FGFR2: variants seen among roughly 807,000 people sequenced by gnomAD.
FGFR2 encodes the protein BEK fibroblast growth factor receptor.
Under a neutral mutation model 95.9 loss-of-function variants are expected in FGFR2, and 19 were observed. That is an observed-to-expected ratio of 0.20 (90% CI 0.14 to 0.29). The LOEUF (loss-of-function observed/expected upper bound fraction) is 0.29. Among genes scored for constraint, FGFR2 ranks in the 10% least tolerant of loss-of-function variants. The probability of loss-of-function intolerance (pLI) is 1.00; values close to 1 mark genes in which losing one functional copy is unlikely to be tolerated. For synonymous variants in FGFR2, 392 were observed against 393.3 expected (o/e 1.00, Z 0.04); for missense variants, 707 against 1,056.9 (o/e 0.67, Z 4.59).
intron 13 of FGFR2, among the ~76,000 whole-genome samples, chr10:121,492,409 C>T (rs1024968041): frequency 4.6e-5 from 7 of 151,818 alleles, no homozygotes; most frequent in East Asian, 1.9e-4. Context: ...CACACACTCA[C>T]GCACACACAC....
intron 11 of FGFR2, among the ~76,000 whole-genome samples, chr10:121,499,497 C>T (rs1480773264): frequency 1.3e-5 from 2 of 152,234 alleles, no homozygotes; most frequent in Non-Finnish European, 1.5e-5. Flanking sequence ...GAGGGAGACA[C>T]AGCCGTGGGC....
intron 13 of FGFR2, among the ~76,000 whole-genome samples, chr10:121,489,252 T>G (rs1020969898): frequency 1.3e-5 from 2 of 152,116 alleles, no homozygotes; most frequent in Non-Finnish European, 2.9e-5. Flanking sequence ...TTTTGTATTT[T>G]TAGTAGAGAC....
intron 2 of FGFR2, among the ~76,000 whole-genome samples, chr10:121,592,615 T>G (rs560754571): frequency 6.6e-6 from 1 of 152,108 alleles, no homozygotes; most frequent in East Asian, 1.9e-4. Context: ...CAACCCTCCT[T>G]CCTAAACTGT....
intron 2 of FGFR2, among the ~76,000 whole-genome samples, chr10:121,566,209 A>T (rs1020685571): frequency 6.6e-6 from 1 of 152,172 alleles, no homozygotes; most frequent in African/African-American, 2.4e-5. Flanking sequence ...CTCAAGGAAA[A>T]CTAAGGGATC....
chr10:121,597,662 C>T (rs931605783), intron 1 of FGFR2, among the ~76,000 whole-genome samples: 2 of 152,262 alleles, frequency 1.3e-5, no homozygotes, highest in Admixed American at 1.3e-4. Context: ...GAGAAACGCG[C>T]CCAGTCAGCG....
intron 6 of FGFR2, among the ~76,000 whole-genome samples, chr10:121,529,110 T>C (rs1308978321): frequency 6.8e-6 from 1 of 147,254 alleles, no homozygotes; most frequent in Non-Finnish European, 1.5e-5. Flanking sequence ...ATATTTTAAT[T>C]TTTTTTGTTT....
At chr10:121,551,791 T>C (rs1855452306) in intron 4 of FGFR2, among the ~76,000 whole-genome samples, 1 of 152,118 alleles carries the variant, frequency 6.6e-6, no homozygotes, top group Non-Finnish European at 1.5e-5. Flanking sequence ...GAACAACATA[T>C]ACAACTGCGA....
chr10:121,597,832 G>A (rs1022106368), intron 1 of FGFR2, 130 bp downstream of exon 1: 2 of 361,020 alleles, frequency 5.5e-6, no homozygotes, highest in East Asian at 7.9e-5. Flanking sequence ...GGAGGACACG[G>A]AGCGTCCTCC....
intron 11 of FGFR2, 137 bp downstream of exon 11, chr10:121,500,689 C>G: frequency 1.6e-6 from 2 of 1,235,666 alleles, no homozygotes; most frequent in Non-Finnish European, 2.3e-6. Flanking sequence ...TGATTTATAC[C>G]GAAAACTTCT....
intron 6 of FGFR2, among the ~76,000 whole-genome samples, chr10:121,522,088 A>G (rs1351907112): frequency 6.6e-6 from 1 of 152,232 alleles, no homozygotes; most frequent in East Asian, 1.9e-4. Flanking sequence ...AATTCATCGC[A>G]TTCATAAAAT....
rs2912787 is a variant in FGFR2, at chr10:121,566,024, T to C, written c.110-320A>G. 82,911 of 445,336 alleles carry C rather than the reference T, an allele frequency of 0.19. 9,723 individuals carry two copies. The highest frequency in any genetic ancestry group is 0.41 in the African/African-American group (20,842 of 50,500). The allele number at this position is 445,336 out of a possible 1,614,324, so 27.6% of individuals were successfully genotyped here. A position where few individuals can be genotyped will look rare whatever the true frequency, so the allele number is the denominator to read the frequency against. On this transcript the variant is annotated intron_variant, in intron 2 of 17. Transcript: ENST00000358487. ...ATTGATTGCCAAAGCGTGCTTGCAC[T>C]GTAATACCTGCAAAAATCTGTTATT...
intron 1 of FGFR2, among the ~76,000 whole-genome samples, chr10:121,595,209 C>T (rs1046607289): frequency 6.6e-6 from 1 of 152,180 alleles, no homozygotes; most frequent in African/African-American, 2.4e-5. Context: ...TGTACCCACT[C>T]GATGTTTCAA....
Position 121,485,532 on chromosome 10 carries a change from G to C in FGFR2, c.2058C>G (p.Val686=), listed in dbSNP as rs2133801206. The C allele has an allele frequency of 6.2e-7, 1 of 1,614,104 alleles. No individual in the cohort carries two copies. The highest frequency in any genetic ancestry group is 8.5e-7 in the Non-Finnish European group (1 of 1,179,998). ...CCCACATTAACACCCCGAAGGACCA[G>C]CTGCAACAAAAGGAGAAAGCACGGC... ...FDRVYTHQSD[V]WSFGVLMWEI... is the part of the protein sequence containing the mutation. The change falls in exon 16 of 18, where the codon GTC becomes GTG. Residue 686 remains valine (V), a splice_region_variant and synonymous_variant. Transcript: ENST00000358487. The surrounding 1 kb of genome is among the most constrained non-coding windows in gnomAD (Gnocchi z 4.2).
At chr10:121,493,404 G>A (rs1846383775) in intron 13 of FGFR2, among the ~76,000 whole-genome samples, 2 of 152,058 alleles carry the variant, frequency 1.3e-5, no homozygotes, top group African/African-American at 4.8e-5. Flanking sequence ...GGCTAGGGTG[G>A]GCAGGGGTAC....
intron 1 of FGFR2, chr10:121,594,261 T>A (rs190832024): frequency 5.8e-5 from 20 of 342,650 alleles, no homozygotes. Flanking sequence ...GTGTGCTCTC[T>A]TCTACTATCC....
chr10:121,536,531 A>C (rs1476371063), intron 6 of FGFR2, among the ~76,000 whole-genome samples: 1 of 152,168 alleles, frequency 6.6e-6, no homozygotes, highest in East Asian at 1.9e-4. Flanking sequence ...CGCTCTTTTC[A>C]ACAAGACTGA....
rs1201686214 is a variant in FGFR2, at chr10:121,478,567, T to A, written c.*1290A>T. On this transcript the variant is annotated 3_prime_UTR_variant, in exon 18 of 18. Transcript: ENST00000358487. The stretch of plus-strand genomic sequence containing the variant: ...GAAGGAACAACGGCGATATTTTGTC[T>A]GATGTAGGTATGAGGCTGGATCTTT... 4.3e-6 allele frequency: 1 copy of A among 233,214 alleles called. No individual in the cohort carries two copies. Among genetic ancestry groups the A allele is most frequent in the Non-Finnish European group, 8.5e-6 (1 of 118,016 alleles). The allele number at this position is 233,214 out of a possible 1,614,324, so 14.4% of individuals were successfully genotyped here.
intron 5 of FGFR2, among the ~76,000 whole-genome samples, chr10:121,544,396 G>T (rs942791299): frequency 1.3e-5 from 2 of 149,598 alleles, no homozygotes; most frequent in African/African-American, 5.0e-5. Context: ...GTGAGCCAAG[G>T]TTGCACCACT....
At chr10:121,595,128 A>G (rs940104781) in intron 1 of FGFR2, among the ~76,000 whole-genome samples, 1 of 152,230 alleles carries the variant, frequency 6.6e-6, no homozygotes, top group Non-Finnish European at 1.5e-5. Flanking sequence ...ACAGGAATGA[A>G]CCACATTTTC....
Sources: gnomAD v4.1 joint callset for allele counts (sites outside exome capture counted in the v4.1 genomes callset) on GRCh38, gnomAD v4.1.1 for gene constraint, Gnocchi (gnomAD v3.1) non-coding constraint, MANE v1.5 for transcripts, NCBI Gene and HGNC (gene_info 2026-07-23, HGNC 2026-07-21) for gene names.